RPRD1A: variants seen among roughly 807,000 people sequenced by gnomAD.
RPRD1A encodes the protein regulation of nuclear pre-mRNA domain containing 1A.
In RPRD1A, 9 loss-of-function variants were observed where a neutral mutation model predicts 37.8. The ratio of observed to expected loss-of-function variants is 0.24; its 90% CI spans 0.14 to 0.42. The LOEUF (loss-of-function observed/expected upper bound fraction) is 0.42. Among genes scored for constraint, RPRD1A ranks in the 10% least tolerant of loss-of-function variants. The probability of loss-of-function intolerance (pLI) is 1.00; values close to 1 mark genes in which losing one functional copy is unlikely to be tolerated. For missense variants in RPRD1A, 255 were observed against 371.0 expected, an observed-to-expected ratio of 0.69 and a Z score of 2.57; for synonymous variants, 138 against 139.7, an observed-to-expected ratio of 0.99 and a Z score of 0.08.
chr18:36,046,806 G>A (rs1912987917), intron 1 of RPRD1A, among the ~76,000 whole-genome samples: 1 of 150,812 alleles, frequency 6.6e-6, no homozygotes, highest in Non-Finnish European at 1.5e-5. Context: ...CCGCACTTCA[G>A]CCTGGGTGAC....
intron 6 of RPRD1A, among the ~76,000 whole-genome samples, chr18:36,006,706 CAA>C (rs1178733773): frequency 6.6e-6 from 1 of 152,172 alleles, no homozygotes; most frequent in Non-Finnish European, 1.5e-5. Flanking sequence ...TATAAATCCT[CAA>C]ATGGAGGGAA....
At chr18:36,053,539 A>G (rs1047656789) in intron 1 of RPRD1A, among the ~76,000 whole-genome samples, 2 of 152,206 alleles carry the variant, frequency 1.3e-5, no homozygotes, top group African/African-American at 4.8e-5. Context: ...GCGTGTGGAT[A>G]TACCATATTT....
chr18:36,007,060 T>C (rs139149834), intron 6 of RPRD1A, among the ~76,000 whole-genome samples: 1 of 152,348 alleles, frequency 6.6e-6, no homozygotes, highest in Admixed American at 6.5e-5. Flanking sequence ...TTTCAGATTT[T>C]GTTCCCTTGC....
At chr18:36,061,299 A>G (rs1384991630) in intron 1 of RPRD1A, among the ~76,000 whole-genome samples, 1 of 152,208 alleles carries the variant, frequency 6.6e-6, no homozygotes, top group Non-Finnish European at 1.5e-5. Context: ...TGTTTTCTTT[A>G]CCATTGTAAT....
intron 6 of RPRD1A, among the ~76,000 whole-genome samples, chr18:36,020,087 A>G (rs1319024362): frequency 6.6e-6 from 1 of 152,208 alleles, no homozygotes; most frequent in Non-Finnish European, 1.5e-5. Context: ...AACCTGTTGG[A>G]AGATGAGGAC....
chr18:36,012,060 C>G (rs557510666), intron 6 of RPRD1A, among the ~76,000 whole-genome samples: 1 of 152,290 alleles, frequency 6.6e-6, no homozygotes, highest in East Asian at 1.9e-4. Flanking sequence ...CACCCCCATA[C>G]AATGTGACTG....
intron 6 of RPRD1A, among the ~76,000 whole-genome samples, chr18:36,010,139 T>G (rs1369419873): frequency 6.6e-6 from 1 of 152,112 alleles, no homozygotes; most frequent in Non-Finnish European, 1.5e-5. Context: ...TTTATTATAT[T>G]CTAACATATA....
chr18:36,041,327 T>C (rs1022535293), intron 1 of RPRD1A, among the ~76,000 whole-genome samples: 5 of 152,154 alleles, frequency 3.3e-5, no homozygotes, highest in Non-Finnish European at 7.4e-5. Flanking sequence ...TAGAACCCTT[T>C]TCTCCGAATT....
At chr18:36,027,410 T>C in intron 4 of RPRD1A, 100 bp from the exon 5 acceptor site, 2 of 1,269,686 alleles carry the variant, frequency 1.6e-6, no homozygotes, top group African/African-American at 1.5e-5. Context: ...TATTTACTAG[T>C]ACAAAGCTCC....
chr18:36,012,049 C>T (rs1910210243), intron 6 of RPRD1A, among the ~76,000 whole-genome samples: 1 of 152,162 alleles, frequency 6.6e-6, no homozygotes, highest in African/African-American at 2.4e-5. Context: ...GTATATGTTA[C>T]CACCCCCATA....
At chr18:36,064,152 C>T (rs1476612753) in intron 1 of RPRD1A, 3 of 152,420 alleles carry the variant, frequency 2.0e-5, no homozygotes, top group Admixed American at 1.3e-4. Context: ...TGGCCGTGCT[C>T]AAGGAGCCCT....
At chr18:36,050,221 T>C (rs1913278710) in intron 1 of RPRD1A, among the ~76,000 whole-genome samples, 1 of 151,808 alleles carries the variant, frequency 6.6e-6, no homozygotes, top group Non-Finnish European at 1.5e-5. Flanking sequence ...AAGGTTGAAA[T>C]TGTAAATTCT....
chr18:36,053,893 G>A (rs1437134711), intron 1 of RPRD1A, among the ~76,000 whole-genome samples: 1 of 152,146 alleles, frequency 6.6e-6, no homozygotes, highest in South Asian at 2.1e-4. Context: ...AGAAAACTAT[G>A]AAGGAAGGGG....
chr18:35,990,216 ATTAG>A lies in RPRD1A; in HGVS notation c.*2931_*2934del, dbSNP rs1568106481. The A allele has an allele frequency of 4.6e-5, 7 of 152,312 alleles. No individual in the cohort carries two copies. Among genetic ancestry groups the A allele is most frequent in the South Asian group, 2.1e-4 (1 of 4,824 alleles). The allele number at this position is 152,312 out of a possible 1,614,324, so 9.4% of individuals were successfully genotyped here. On this transcript the variant is annotated 3_prime_UTR_variant, in exon 7 of 7. Coordinates refer to ENST00000399022, the MANE Select transcript of RPRD1A (RefSeq NM_018170.5). ...CAGAAAGGACATTCTAACTTTCCCA[ATTAG>A]TTAATTTGTACTGTTGAGTTTTTTC...
intron 1 of RPRD1A, among the ~76,000 whole-genome samples, chr18:36,037,082 T>C (rs17672080): frequency 0.017 from 2,610 of 152,310 alleles, 93 homozygotes; most frequent in Admixed American, 0.081. Flanking sequence ...TCCATACAAA[T>C]TGGCAGATGA....
intron 6 of RPRD1A, among the ~76,000 whole-genome samples, chr18:36,016,820 GATTT>G (rs1195153423): frequency 1.3e-5 from 2 of 152,108 alleles, no homozygotes; most frequent in African/African-American, 4.8e-5. Context: ...TATTAAATGA[GATTT>G]ATAATCACAT....
At chr18:36,062,341 A>C (rs1372020922) in intron 1 of RPRD1A, among the ~76,000 whole-genome samples, 1 of 150,944 alleles carries the variant, frequency 6.6e-6, no homozygotes, top group Non-Finnish European at 1.5e-5. Flanking sequence ...AAAAAAAAAA[A>C]AAAAAAACAT....
At chr18:36,005,204 G>A (rs1247587077) in intron 6 of RPRD1A, among the ~76,000 whole-genome samples, 2 of 152,158 alleles carry the variant, frequency 1.3e-5, no homozygotes, top group Non-Finnish European at 2.9e-5. Context: ...CAGAGCCTGA[G>A]GCAGGAGAAT....
intron 1 of RPRD1A, among the ~76,000 whole-genome samples, chr18:36,051,507 A>G (rs2144379897): frequency 6.6e-6 from 1 of 152,308 alleles, no homozygotes; most frequent in Admixed American, 6.5e-5. Flanking sequence ...CACTAGTTCT[A>G]AAAGAAAAAA....
Sources: gnomAD v4.1 joint callset for allele counts (sites outside exome capture counted in the v4.1 genomes callset) on GRCh38, gnomAD v4.1.1 for gene constraint, MANE v1.5 for transcripts, NCBI Gene and HGNC (gene_info 2026-07-23, HGNC 2026-07-21) for gene names.